The following DLGAP2 variants were observed in gnomAD, a reference collection of about 807,000 sequenced individuals.
The protein encoded by DLGAP2 is disks large-associated protein 2.
Under a neutral mutation model 100.3 loss-of-function variants are expected in DLGAP2, and 26 were observed. The ratio of observed to expected loss-of-function variants is 0.26; its 90% CI spans 0.19 to 0.36. The LOEUF is 0.36. Among genes scored for constraint, DLGAP2 ranks in the 10% least tolerant of loss-of-function variants. The pLI, the probability that DLGAP2 is intolerant of heterozygous loss-of-function variation, is 1.00. For missense variants in DLGAP2, 1,858 were observed against 1,453.2 expected (o/e 1.28, Z -4.53); for synonymous variants, 886 against 630.1 (o/e 1.41, Z -6.08).
At chr8:1,343,701 G>A (rs553334968) in intron 3 of DLGAP2, among the ~76,000 whole-genome samples, 2 of 128,498 alleles carry the variant, frequency 1.6e-5, no homozygotes, top group African/African-American at 5.2e-5. Context: ...GTTTGCATCT[G>A]GGGGGTCGTG....
chr8:1,259,272 G>T (rs778243379), intron 3 of DLGAP2, among the ~76,000 whole-genome samples: 2 of 152,166 alleles, frequency 1.3e-5, no homozygotes, highest in Non-Finnish European at 2.9e-5. Flanking sequence ...CCCGACTGTC[G>T]GTGGCTCAGC....
intron 6 of DLGAP2, among the ~76,000 whole-genome samples, chr8:1,601,829 T>A (rs1008722993): frequency 1.1e-4 from 16 of 152,172 alleles, no homozygotes; most frequent in African/African-American, 3.6e-4. Context: ...AATCCTTGCA[T>A]AATTAGTCAT....
At chr8:1,384,101 G>T (rs1201501735) in intron 3 of DLGAP2, among the ~76,000 whole-genome samples, 1 of 151,934 alleles carries the variant, frequency 6.6e-6, no homozygotes, top group African/African-American at 2.4e-5. Context: ...TCAATTAATA[G>T]AAGAATTAGG....
chr8:956,985 C>G (rs1799611338), intron 2 of DLGAP2, among the ~76,000 whole-genome samples: 1 of 152,164 alleles, frequency 6.6e-6, no homozygotes, highest in African/African-American at 2.4e-5. Context: ...CTAGATTGCT[C>G]CAAGACACAC....
intron 3 of DLGAP2, among the ~76,000 whole-genome samples, chr8:1,342,541 C>T (rs137882129): frequency 6.6e-6 from 1 of 152,148 alleles, no homozygotes; most frequent in Non-Finnish European, 1.5e-5. Flanking sequence ...TCAGTCGCAT[C>T]TGCTGTACAT....
At chr8:806,936 C>A (rs542198117) in intron 1 of DLGAP2, among the ~76,000 whole-genome samples, 2 of 152,306 alleles carry the variant, frequency 1.3e-5, no homozygotes, top group East Asian at 3.9e-4. Context: ...CACTGTGTGG[C>A]TGGGGTCGTG....
rs547091195 is a variant in DLGAP2, at chr8:1,465,807, C to T, written c.107-35559C>T. 4.6e-5 allele frequency among the ~76,000 whole-genome samples: 7 copies of T among 152,226 alleles called. No individual in the cohort carries two copies. The South Asian group carries it at 6.2e-4, about 14-fold the overall frequency. ...GACTCTTCCCGGCCCCTCTGTGCCG[C>T]GTTTCTTCCTCAGGGGCGTGAGGTA... On this transcript the variant is annotated intron_variant, in intron 3 of 14. Transcript: ENST00000637795.
At chr8:1,495,898 G>T (rs925266623) in intron 3 of DLGAP2, among the ~76,000 whole-genome samples, 4 of 152,196 alleles carry the variant, frequency 2.6e-5, no homozygotes, top group Non-Finnish European at 4.4e-5. Context: ...CGGCCACTGG[G>T]TGCCGGCGCC....
At chr8:863,724 G>C (rs540156713) in intron 1 of DLGAP2, among the ~76,000 whole-genome samples, 4 of 152,312 alleles carry the variant, frequency 2.6e-5, no homozygotes, top group African/African-American at 9.6e-5. Context: ...GACAAAGACA[G>C]CAGATGCCAG....
chr8:1,050,930 A>G (rs1802661449), intron 2 of DLGAP2, among the ~76,000 whole-genome samples: 1 of 132,150 alleles, frequency 7.6e-6, no homozygotes, highest in South Asian at 2.6e-4. Context: ...GTGCCCGGTC[A>G]TTTCGTGGGT....
intron 3 of DLGAP2, among the ~76,000 whole-genome samples, chr8:1,325,426 C>T (rs535749530): frequency 1.1e-4 from 17 of 152,348 alleles, no homozygotes; most frequent in Middle Eastern, 3.4e-3. Context: ...CCCTGCAGCC[C>T]GGCTGCTGTA....
intron 3 of DLGAP2, among the ~76,000 whole-genome samples, chr8:1,275,583 C>T (rs1799666332): frequency 6.6e-6 from 1 of 150,674 alleles, no homozygotes; most frequent in Admixed American, 6.7e-5. Flanking sequence ...TTCACAAAGA[C>T]AAAAAGATAA....
At chr8:1,589,115 C>G (rs1040699164) in intron 6 of DLGAP2, among the ~76,000 whole-genome samples, 4 of 152,166 alleles carry the variant, frequency 2.6e-5, no homozygotes, top group Non-Finnish European at 5.9e-5. Context: ...GTGGTTATCT[C>G]TGGGTTTGTG....
At chr8:813,419 G>T (rs2132673715) in intron 1 of DLGAP2, among the ~76,000 whole-genome samples, 1 of 152,234 alleles carries the variant, frequency 6.6e-6, no homozygotes, top group East Asian at 1.9e-4. Context: ...TTAGAAGGTA[G>T]ATTCTATAAT....
chr8:818,971 G>C (rs531589638), intron 1 of DLGAP2, among the ~76,000 whole-genome samples: 2 of 152,140 alleles, frequency 1.3e-5, no homozygotes, highest in Admixed American at 6.5e-5. Flanking sequence ...TTTTACAAGA[G>C]GAACTGGCTC....
At chr8:1,066,138 A>T (rs1046855136) in intron 2 of DLGAP2, among the ~76,000 whole-genome samples, 1 of 142,736 alleles carries the variant, frequency 7.0e-6, no homozygotes, top group Non-Finnish European at 1.5e-5. Context: ...CTGAGCGAGG[A>T]CAGCTCCCCA....
At chr8:784,984 G>A (rs1399030077) in intron 1 of DLGAP2, among the ~76,000 whole-genome samples, 2 of 151,874 alleles carry the variant, frequency 1.3e-5, no homozygotes, top group Non-Finnish European at 2.9e-5. Context: ...GAGGCAGGCG[G>A]ATCACAAGGT....
chr8:761,183 TC>T (rs898588503), intron 1 of DLGAP2, among the ~76,000 whole-genome samples: 1 of 151,746 alleles, frequency 6.6e-6, no homozygotes, highest in African/African-American at 2.4e-5. Flanking sequence ...CCTTCTCTGC[TC>T]CCCCCCACTT....
At chr8:1,496,213 C>T (rs1267416800) in intron 3 of DLGAP2, among the ~76,000 whole-genome samples, 1 of 152,158 alleles carries the variant, frequency 6.6e-6, no homozygotes, top group Non-Finnish European at 1.5e-5. Flanking sequence ...TTCTGCCTCC[C>T]TCCATCATCA....
Sources: gnomAD v4.1 joint callset for allele counts (sites outside exome capture counted in the v4.1 genomes callset) on GRCh38, gnomAD v4.1.1 for gene constraint, MANE v1.5 for transcripts, NCBI Gene and HGNC (gene_info 2026-07-23, HGNC 2026-07-21) for gene names.